PDE3A: variants seen among roughly 807,000 people sequenced by gnomAD.
The protein encoded by PDE3A is cGMP-inhibited 3',5'-cyclic phosphodiesterase 3A.
In PDE3A, 43 loss-of-function variants were observed where a neutral mutation model predicts 98.3. That is an observed-to-expected ratio of 0.44 (90% CI 0.34 to 0.56). PDE3A has a LOEUF of 0.56. Ranked by LOEUF, PDE3A falls within the 20% of genes least tolerant of loss-of-function variation. The probability of loss-of-function intolerance (pLI) is 0.01; values close to 1 mark genes in which losing one functional copy is unlikely to be tolerated. For synonymous variants in PDE3A, 663 were observed against 567.9 expected (o/e 1.17, Z -2.38); for missense variants, 1,427 against 1,440.7 (o/e 0.99, Z 0.15).
At chr12:20,597,829 G>GT (rs1943501590) in intron 2 of PDE3A, among the ~76,000 whole-genome samples, 3 of 151,960 alleles carry the variant, frequency 2.0e-5, no homozygotes, top group Admixed American at 2.0e-4. Flanking sequence ...ATAGTACCAG[G>GT]TACCCAATAG....
chr12:20,613,829 T>C (rs1943931891), intron 3 of PDE3A, 129 bp downstream of exon 3: 2 of 650,066 alleles, frequency 3.1e-6, no homozygotes, highest in Non-Finnish European at 2.7e-6. Flanking sequence ...GTGTTGATCG[T>C]GGTGACAGAA....
intron 15 of PDE3A, among the ~76,000 whole-genome samples, chr12:20,659,957 G>T (rs531584392): frequency 1.3e-5 from 2 of 152,110 alleles, no homozygotes; most frequent in African/African-American, 2.4e-5. Flanking sequence ...CAAAAGTAAA[G>T]AGAAAAGTCC....
intron 1 of PDE3A, among the ~76,000 whole-genome samples, chr12:20,496,313 C>T (rs986035843): frequency 3.3e-5 from 5 of 152,164 alleles, no homozygotes; most frequent in Non-Finnish European, 5.9e-5. Context: ...CCATCCTTTG[C>T]CATTGTGGTA....
At chr12:20,517,862 A>G (rs1030870127) in intron 1 of PDE3A, among the ~76,000 whole-genome samples, 4 of 152,136 alleles carry the variant, frequency 2.6e-5, no homozygotes, top group South Asian at 2.1e-4. Flanking sequence ...CTAGGTCCCA[A>G]CCTTAGGATT....
At chr12:20,586,048 G>C (rs1208215631) in intron 2 of PDE3A, among the ~76,000 whole-genome samples, 4 of 152,196 alleles carry the variant, frequency 2.6e-5, no homozygotes, top group Non-Finnish European at 4.4e-5. Context: ...GGTTAGCAAA[G>C]GCCTCCTGGA....
intron 1 of PDE3A, among the ~76,000 whole-genome samples, chr12:20,388,737 A>G (rs1591874678): frequency 6.6e-6 from 1 of 152,064 alleles, no homozygotes; most frequent in Non-Finnish European, 1.5e-5. Context: ...CATACACTGT[A>G]TATAATATTG....
chr12:20,538,043 A>T (rs1398731624), intron 1 of PDE3A, among the ~76,000 whole-genome samples: 1 of 152,182 alleles, frequency 6.6e-6, no homozygotes, highest in African/African-American at 2.4e-5. Flanking sequence ...CCAATCAGAT[A>T]GTTAGAAAGA....
intron 1 of PDE3A, among the ~76,000 whole-genome samples, chr12:20,391,386 TATAC>T (rs59135192): frequency 0.16 from 23,703 of 143,826 alleles, 2,084 homozygotes; most frequent in East Asian, 0.34. Flanking sequence ...TATATATATA[TATAC>T]ACACACACAT....
At chr12:20,641,104 G>A (rs1023322471) in intron 10 of PDE3A, among the ~76,000 whole-genome samples, 1 of 152,054 alleles carries the variant, frequency 6.6e-6, no homozygotes, top group Non-Finnish European at 1.5e-5. Flanking sequence ...CATATTTATT[G>A]TTTTCAAAAT....
At chr12:20,639,091 T>C (rs1032987311) in intron 9 of PDE3A, among the ~76,000 whole-genome samples, 1 of 152,044 alleles carries the variant, frequency 6.6e-6, no homozygotes, top group African/African-American at 2.4e-5. Flanking sequence ...AGTAGAAAAG[T>C]GGTTATGATA....
chr12:20,545,466 A>G (rs564488425), intron 1 of PDE3A, among the ~76,000 whole-genome samples: 2 of 152,152 alleles, frequency 1.3e-5, no homozygotes, highest in Admixed American at 1.3e-4. Flanking sequence ...AATCAAGTGG[A>G]TGGAATTTAG....
chr12:20,679,902 TATA>T (rs1316824034), intron 15 of PDE3A, 125 bp from the exon 16 acceptor site: 2 of 3,348 alleles, frequency 6.0e-4, no homozygotes, highest in Non-Finnish European at 2.1e-3. Context: ...ATAATATATA[TATA>T]ATATAATATA....
Position 20,369,931 on chromosome 12 carries a change from C to T in PDE3A, c.647C>T (p.Ala216Val), listed in dbSNP as rs752658790. The T allele has an allele frequency of 2.5e-6, 4 of 1,613,478 alleles. No homozygotes were observed. The Admixed American group carries it at 6.7e-5, about 27-fold the overall frequency. ...LRLRLGVLMI[A>V]LTSAVRTVSL... is the part of the protein sequence containing the mutation. ...CTGAGGCTGGGCGTCCTCATGATCGCCTTGACTAGCGCGGTCAGGACCGTG... is the reference window on the plus strand; with the variant it reads ...CTGAGGCTGGGCGTCCTCATGATCGTCTTGACTAGCGCGGTCAGGACCGTG... The change falls in exon 1 of 16, where the codon GCC becomes GTC. Residue 216 changes from alanine (A) to valine (V), a missense_variant. Transcript: ENST00000359062.
rs575670138 is a variant in PDE3A, at chr12:20,368,874, C to T, written c.-411C>T. ...CGCCCTGCGCCCCCGGCTCCTCCAG[C>T]GTCAGCGGCTCCTGCGCGCGGGATG... On this transcript the variant is annotated 5_prime_UTR_variant, in exon 1 of 16. Coordinates refer to ENST00000359062, the MANE Select transcript of PDE3A (RefSeq NM_000921.5). Among the ~76,000 whole-genome samples the T allele has an allele frequency of 1.3e-4, 20 of 152,044 alleles. No homozygotes were observed. The highest frequency in any genetic ancestry group is 4.6e-4 in the Admixed American group (7 of 15,278).
At chr12:20,648,135 G>A (rs1342939689) in intron 12 of PDE3A, among the ~76,000 whole-genome samples, 1 of 151,330 alleles carries the variant, frequency 6.6e-6, no homozygotes, top group Admixed American at 6.6e-5. Flanking sequence ...GTGGAGTGGA[G>A]TGAGAATGTT....
At chr12:20,600,008 C>T (rs972070184) in intron 2 of PDE3A, among the ~76,000 whole-genome samples, 6 of 152,174 alleles carry the variant, frequency 3.9e-5, no homozygotes, top group African/African-American at 1.4e-4. Flanking sequence ...CTTAACATTT[C>T]CTTGGTGCCA....
chr12:20,665,643 A>T (rs1008929575), intron 15 of PDE3A, among the ~76,000 whole-genome samples: 2 of 152,154 alleles, frequency 1.3e-5, no homozygotes, highest in African/African-American at 4.8e-5. Context: ...AGAAGCAAAT[A>T]ATTTTCCAAA....
intron 2 of PDE3A, among the ~76,000 whole-genome samples, chr12:20,590,154 G>A (rs942540025): frequency 1.3e-5 from 2 of 152,012 alleles, no homozygotes; most frequent in Non-Finnish European, 2.9e-5. Context: ...AATGCATAAT[G>A]CATAAGCTCA....
intron 15 of PDE3A, among the ~76,000 whole-genome samples, chr12:20,676,479 G>A (rs150700372): frequency 0.012 from 1,768 of 145,998 alleles, 19 homozygotes; most frequent in Admixed American, 0.02. Flanking sequence ...GCTGTTTTTA[G>A]AACTCTCTAT....
Sources: gnomAD v4.1 joint callset for allele counts (sites outside exome capture counted in the v4.1 genomes callset) on GRCh38, gnomAD v4.1.1 for gene constraint, MANE v1.5 for transcripts, NCBI Gene and HGNC (gene_info 2026-07-23, HGNC 2026-07-21) for gene names.